CBFA2T2: variants seen among roughly 807,000 people sequenced by gnomAD.
The protein encoded by CBFA2T2 is CBFA2/RUNX1 partner transcriptional co-repressor 2.
A neutral mutation model predicts 62.2 loss-of-function variants in CBFA2T2; 11 were observed. The ratio of observed to expected loss-of-function variants is 0.18; its 90% CI spans 0.11 to 0.29. The LOEUF (loss-of-function observed/expected upper bound fraction) is 0.29, where lower values mean the gene tolerates loss of function less well. Ranked by LOEUF, CBFA2T2 falls within the 10% of genes least tolerant of loss-of-function variation. The pLI is 1.00. For synonymous variants in CBFA2T2, 295 were observed against 287.5 expected (o/e 1.03, Z -0.27); for missense variants, 592 against 774.1 (o/e 0.76, Z 2.79).
At chr20:33,535,906 C>T (rs569043598) in intron 1 of CBFA2T2, among the ~76,000 whole-genome samples, 8 of 152,116 alleles carry the variant, frequency 5.3e-5, no homozygotes, top group Admixed American at 1.3e-4. Flanking sequence ...ATCTGTTTAA[C>T]GAAGCACATC....
Position 33,636,827 on chromosome 20 carries a change from T to C in CBFA2T2, c.1297+119T>C, listed in dbSNP as rs937215344. On this transcript the variant is annotated intron_variant, in intron 9 of 10. Transcript: ENST00000342704. The stretch of plus-strand genomic sequence containing the variant: ...TGGTTGTATAATAACTTGCTCCTCA[T>C]AGAGCTCTAGGCTCCTGCCTCTCCT... 16 of 698,144 alleles carry C rather than the reference T, an allele frequency of 2.3e-5. No homozygotes were observed. In the South Asian group the frequency reaches 2.5e-4, roughly 11 times the overall value. The allele number at this position is 698,144 out of a possible 1,614,324, so 43.2% of individuals were successfully genotyped here.
chr20:33,581,234 T>C (rs2014098779), intron 1 of CBFA2T2, among the ~76,000 whole-genome samples: 1 of 152,096 alleles, frequency 6.6e-6, no homozygotes, highest in Admixed American at 6.5e-5. Flanking sequence ...AATTTTTGTA[T>C]TTTTAGTAGA....
chr20:33,642,116 T>TTTGTG (rs1313728159), intron 10 of CBFA2T2, among the ~76,000 whole-genome samples: 4 of 59,012 alleles, frequency 6.8e-5, no homozygotes, highest in East Asian at 1.4e-3. Context: ...TTTTTTTTTT[T>TTTGTG]TGTGTGTGTG....
At chr20:33,632,752 A>G (rs1319031368) in intron 8 of CBFA2T2, among the ~76,000 whole-genome samples, 1 of 151,452 alleles carries the variant, frequency 6.6e-6, no homozygotes, top group Non-Finnish European at 1.5e-5. Context: ...CGGCCTCACC[A>G]GTGACTTTTA....
intron 1 of CBFA2T2, among the ~76,000 whole-genome samples, chr20:33,549,152 G>A (rs1015358188): frequency 1.3e-5 from 2 of 152,092 alleles, no homozygotes; most frequent in African/African-American, 2.4e-5. Context: ...ACTGATGAGA[G>A]CATAATGTCA....
chr20:33,513,639 G>A (rs556922932), intron 1 of CBFA2T2, among the ~76,000 whole-genome samples: 1 of 151,504 alleles, frequency 6.6e-6, no homozygotes, highest in Admixed American at 6.6e-5. Flanking sequence ...GGGATTACAG[G>A]CGTGAGCCAC....
chr20:33,507,440 G>C (rs527945223), intron 1 of CBFA2T2, among the ~76,000 whole-genome samples: 1 of 152,248 alleles, frequency 6.6e-6, no homozygotes, highest in East Asian at 1.9e-4. Flanking sequence ...TATCTGTTTT[G>C]AGCCAATCTG....
chr20:33,532,759 T>G (rs1208479643), intron 1 of CBFA2T2, among the ~76,000 whole-genome samples: 2 of 152,226 alleles, frequency 1.3e-5, no homozygotes, highest in African/African-American at 2.4e-5. Context: ...TGACTTGCAG[T>G]TTAAAAGCTG....
chr20:33,568,397 G>A (rs936513350), intron 1 of CBFA2T2, among the ~76,000 whole-genome samples: 5 of 152,272 alleles, frequency 3.3e-5, no homozygotes, highest in East Asian at 3.9e-4. Flanking sequence ...AGAAGGGTGC[G>A]TGTAGAGAAT....
intron 1 of CBFA2T2, among the ~76,000 whole-genome samples, chr20:33,566,900 G>A (rs1256795614): frequency 6.6e-6 from 1 of 152,202 alleles, no homozygotes; most frequent in Non-Finnish European, 1.5e-5. Flanking sequence ...TTACTTCTGA[G>A]ATACTTACCT....
At chr20:33,513,288 T>C (rs1466181889) in intron 1 of CBFA2T2, among the ~76,000 whole-genome samples, 5 of 152,112 alleles carry the variant, frequency 3.3e-5, no homozygotes, top group African/African-American at 1.2e-4. Context: ...CTTTGTGAGA[T>C]AGGTAGAGGG....
intron 1 of CBFA2T2, among the ~76,000 whole-genome samples, chr20:33,553,840 TTA>T (rs2012810992): frequency 2.6e-5 from 4 of 152,184 alleles, no homozygotes; most frequent in African/African-American, 9.7e-5. Context: ...ATGGTAGATG[TTA>T]AAGAGGTGAT....
chr20:33,624,013 A>G (rs2016113207), intron 5 of CBFA2T2: 2 of 558,528 alleles, frequency 3.6e-6, no homozygotes, highest in African/African-American at 1.9e-5. Flanking sequence ...AATCTGCCAA[A>G]TGCCTTTTAT....
chr20:33,598,647 C>T (rs930638550), intron 1 of CBFA2T2, among the ~76,000 whole-genome samples: 12 of 152,176 alleles, frequency 7.9e-5, no homozygotes, highest in Non-Finnish European at 1.6e-4. Context: ...GATATACATC[C>T]TCCTCAGCTG....
At chr20:33,579,758 T>C (rs1423708484) in intron 1 of CBFA2T2, among the ~76,000 whole-genome samples, 2 of 152,004 alleles carry the variant, frequency 1.3e-5, no homozygotes, top group Admixed American at 1.3e-4. Context: ...AGCTCTTTGG[T>C]GTCCTGAACA....
chr20:33,634,609 T>TG (rs2016564154), intron 8 of CBFA2T2, among the ~76,000 whole-genome samples: 2 of 139,952 alleles, frequency 1.4e-5, no homozygotes, highest in South Asian at 4.5e-4. Context: ...AGGCAGAACT[T>TG]GCAGTGAGCT....
chr20:33,578,958 C>T (rs1446026308), intron 1 of CBFA2T2, among the ~76,000 whole-genome samples: 2 of 151,984 alleles, frequency 1.3e-5, no homozygotes, highest in Non-Finnish European at 1.5e-5. Flanking sequence ...AAGAAGATGC[C>T]GTAACATGTA....
At chr20:33,595,555 T>A (rs563668775) in intron 1 of CBFA2T2, among the ~76,000 whole-genome samples, 33 of 151,728 alleles carry the variant, frequency 2.2e-4, no homozygotes, top group South Asian at 1.2e-3. Flanking sequence ...ATTTTTTTTT[T>A]AATTTATTTT....
At chr20:33,554,558 TTTTTCTTTTC>T (rs143747291) in intron 1 of CBFA2T2, among the ~76,000 whole-genome samples, 7 of 149,570 alleles carry the variant, frequency 4.7e-5, no homozygotes, top group South Asian at 2.1e-4. Flanking sequence ...CTATTTTTCT[TTTTTCTTTTC>T]TTTTCTTTTC....
Sources: allele counts gnomAD v4.1 joint callset (sites outside exome capture counted in the v4.1 genomes callset), GRCh38; gene constraint gnomAD v4.1.1; transcripts MANE v1.5; gene names NCBI Gene and HGNC (gene_info 2026-07-23, HGNC 2026-07-21).